The following CNIH3 variants were observed in gnomAD, a reference collection of about 807,000 sequenced individuals.
CNIH3 encodes cornichon family AMPA receptor auxiliary protein 3.
CNIH3 carries 14 observed loss-of-function variants against 24.1 expected under a neutral mutation model. The ratio of observed to expected loss-of-function variants is 0.58; its 90% CI spans 0.38 to 0.91. The LOEUF is 0.91. Ranked by LOEUF, CNIH3 falls within the 40% of genes least tolerant of loss-of-function variation. CNIH3 has a pLI of 0.00. For missense variants in CNIH3, 178 were observed against 196.8 expected (o/e 0.90, Z 0.57); for synonymous variants, 68 against 73.8 (o/e 0.92, Z 0.40).
At chr1:224,533,287 C>G (rs371780738) in intron 2 of CNIH3, among the ~76,000 whole-genome samples, 1 of 151,208 alleles carries the variant, frequency 6.6e-6, no homozygotes, top group African/African-American at 2.4e-5. Context: ...AGTAGTGGCG[C>G]GCCCTTATAT....
rs921641364 is a variant in CNIH3 at position 224,445,670 on chromosome 1, A to C, written n.203+10808A>C. On this transcript the variant is annotated intron_variant and non_coding_transcript_variant, in intron 1 of 5. Coordinates refer to the CNIH3 transcript ENST00000471578. Reference sequence around the variant, plus strand: ...ATTCTGGATGTGAGTCCTTTGTTGGATGTATGTACTGCAAATTTATTTTCC... The same window carrying C: ...ATTCTGGATGTGAGTCCTTTGTTGGCTGTATGTACTGCAAATTTATTTTCC... Among the ~76,000 whole-genome samples the C allele has an allele frequency of 4.0e-5, 6 of 148,684 alleles. 1 individual carries two copies. Among genetic ancestry groups the C allele is most frequent in the Admixed American group, 6.8e-5 (1 of 14,764 alleles).
In CNIH3 at chr1:224,617,048, C is replaced by G. The variant is rs879112853; in HGVS notation, c.-127C>G. The G allele has an allele frequency of 2.6e-5, 38 of 1,437,722 alleles. 1 individual carries two copies. The South Asian group carries it at 4.4e-4, about 17-fold the overall frequency. The allele number at this position is 1,437,722 out of a possible 1,614,324, so 89.1% of individuals were successfully genotyped here. ...TCGAGTCGCTTCGCTAGCTGTGCGC[C>G]CTCCTGGGCACTAGCCTGGAGAGGA... is the stretch of plus-strand genomic sequence containing the variant. On this transcript the variant is annotated 5_prime_UTR_variant, in exon 1 of 6. Coordinates refer to ENST00000272133, the MANE Select transcript of CNIH3 (RefSeq NM_152495.2).
intron 2 of CNIH3, among the ~76,000 whole-genome samples, chr1:224,526,529 G>T (rs1253347526): frequency 1.3e-5 from 2 of 152,182 alleles, no homozygotes; most frequent in African/African-American, 4.8e-5. Flanking sequence ...TCTTTTTTGC[G>T]GGTGGGAGAG....
At chr1:224,729,759 T>G (rs1689223639) in intron 3 of CNIH3, among the ~76,000 whole-genome samples, 1 of 152,140 alleles carries the variant, frequency 6.6e-6, no homozygotes, top group Non-Finnish European at 1.5e-5. Flanking sequence ...CATTTATACC[T>G]GTGTGGCTGG....
chr1:224,497,586 C>T (rs1023327462), intron 1 of CNIH3, among the ~76,000 whole-genome samples: 2 of 152,202 alleles, frequency 1.3e-5, no homozygotes, highest in African/African-American at 4.8e-5. Flanking sequence ...ACAGACTTAG[C>T]TGCAAGAATA....
chr1:224,727,351 C>T (rs546457606), intron 3 of CNIH3, among the ~76,000 whole-genome samples: 6 of 152,228 alleles, frequency 3.9e-5, no homozygotes, highest in Admixed American at 3.9e-4. Flanking sequence ...TGCTCACACT[C>T]TAGTCCATCA....
chr1:224,677,126 A>C (rs1686177168), intron 1 of CNIH3, among the ~76,000 whole-genome samples: 1 of 152,156 alleles, frequency 6.6e-6, no homozygotes. Context: ...CTGAAATGGG[A>C]CCAGTAATAG....
intron 1 of CNIH3, among the ~76,000 whole-genome samples, chr1:224,642,021 T>C (rs1339913769): frequency 6.6e-6 from 1 of 152,202 alleles, no homozygotes; most frequent in Admixed American, 6.5e-5. Context: ...ATTCCTGCCC[T>C]TAGGATTCTG....
intron 3 of CNIH3, among the ~76,000 whole-genome samples, chr1:224,561,887 T>A (rs977259722): frequency 6.6e-6 from 1 of 152,194 alleles, no homozygotes; most frequent in African/African-American, 2.4e-5. Flanking sequence ...GACAAAGGGC[T>A]GGGCTAAGTT....
intron 4 of CNIH3, among the ~76,000 whole-genome samples, chr1:224,573,971 C>G (rs1478112545): frequency 1.3e-5 from 2 of 151,994 alleles, no homozygotes; most frequent in African/African-American, 4.8e-5. Flanking sequence ...ACAGTGTTGC[C>G]CAGGCTAGTC....
intron 1 of CNIH3, among the ~76,000 whole-genome samples, chr1:224,504,780 TCA>T (rs1253290995): frequency 6.6e-6 from 1 of 152,190 alleles, no homozygotes; most frequent in South Asian, 2.1e-4. Context: ...TTGCTAGGCC[TCA>T]GTTTTCTTAT....
chr1:224,544,404 C>T (rs989755), intron 2 of CNIH3, among the ~76,000 whole-genome samples: 34,607 of 152,046 alleles, frequency 0.23, 4,327 homozygotes, highest in South Asian at 0.35. Flanking sequence ...CTCATGCACG[C>T]CAACTCAGAT....
upstream of CNIH3, chr1:224,434,652 G>T (rs1674556737): frequency 1.5e-5 from 11 of 741,750 alleles, no homozygotes; most frequent in South Asian, 5.2e-4. Flanking sequence ...CTGCGGGGGC[G>T]CGGGGCCCGC....
intron 1 of CNIH3, among the ~76,000 whole-genome samples, chr1:224,639,913 C>G (rs1213050575): frequency 1.3e-5 from 2 of 152,196 alleles, no homozygotes; most frequent in African/African-American, 2.4e-5. Context: ...GATATCCCAC[C>G]TTTTGAGGCC....
intron 1 of CNIH3, among the ~76,000 whole-genome samples, chr1:224,631,439 T>A (rs1171027221): frequency 1.3e-5 from 2 of 152,234 alleles, no homozygotes; most frequent in African/African-American, 4.8e-5. Context: ...TGGTTGTTGG[T>A]GAGTCCCTGG....
chr1:224,533,089 G>A (rs1273548806), intron 2 of CNIH3, among the ~76,000 whole-genome samples: 4 of 152,302 alleles, frequency 2.6e-5, no homozygotes, highest in South Asian at 4.1e-4. Context: ...AGAAACCTGA[G>A]TCAGGCTGTG....
intron 1 of CNIH3, among the ~76,000 whole-genome samples, chr1:224,444,943 C>CTT (rs77862419): frequency 6.6e-5 from 9 of 136,186 alleles, no homozygotes; most frequent in South Asian, 2.4e-4. Context: ...ACGCCCGGCC[C>CTT]TTTTTTTTTT....
intron 1 of CNIH3, among the ~76,000 whole-genome samples, chr1:224,634,573 CA>C (rs907406125): frequency 1.9e-4 from 21 of 110,936 alleles, no homozygotes; most frequent in South Asian, 5.9e-4. Flanking sequence ...ACTCTGTCTC[CA>C]AAAAAAAAAA....
intron 4 of CNIH3, among the ~76,000 whole-genome samples, chr1:224,576,670 C>T (rs1681050222): frequency 6.6e-6 from 1 of 152,082 alleles, no homozygotes; most frequent in African/African-American, 2.4e-5. Flanking sequence ...TATTTCTTTC[C>T]TGTAAAGCCT....
Sources: gnomAD v4.1 joint callset for allele counts (sites outside exome capture counted in the v4.1 genomes callset) on GRCh38, gnomAD v4.1.1 for gene constraint, MANE v1.5 for transcripts, NCBI Gene and HGNC (gene_info 2026-07-23, HGNC 2026-07-21) for gene names.